GPR176: variants seen among roughly 807,000 people sequenced by gnomAD.
GPR176 encodes the protein G-protein coupled receptor 176.
In GPR176, 26 loss-of-function variants were observed where a neutral mutation model predicts 35.4. The observed-to-expected ratio is 0.74, with a 90% CI of 0.54 to 1.02. The LOEUF (loss-of-function observed/expected upper bound fraction) is 1.02, where lower values mean the gene tolerates loss of function less well. GPR176 is among the 50% of genes least tolerant of loss of function. The pLI is 0.00. For missense variants in GPR176, 597 were observed against 665.3 expected (o/e 0.90, Z 1.13); for synonymous variants, 278 against 271.3 (o/e 1.02, Z -0.24).
In GPR176 at chr15:39,900,904, T is replaced by C. The variant is rs573863924; in HGVS notation, c.172+18951A>G. On this transcript the variant is annotated intron_variant, in intron 1 of 2. Coordinates refer to ENST00000561100, the MANE Select transcript of GPR176 (RefSeq NM_007223.3). ...AGAAAAAAAGAAAGCTTCAGACAAT[T>C]CTATCATGTTTCTGACAGCCAAGTA... 1.6e-4 allele frequency among the ~76,000 whole-genome samples: 25 copies of C among 152,336 alleles called. No homozygotes were observed. The South Asian group carries it at 5.0e-3, about 30-fold the overall frequency.
intron 1 of GPR176, among the ~76,000 whole-genome samples, chr15:39,863,897 T>C (rs982952952): frequency 6.6e-6 from 1 of 152,184 alleles, no homozygotes; most frequent in East Asian, 1.9e-4. Context: ...TATCAAAATG[T>C]ATCCCCATGG....
intron 1 of GPR176, among the ~76,000 whole-genome samples, chr15:39,893,494 T>C (rs2140861469): frequency 6.6e-6 from 1 of 152,292 alleles, no homozygotes; most frequent in African/African-American, 2.4e-5. Context: ...AAGTCTCCCA[T>C]GTCTACTTCT....
chr15:39,872,689 C>G (rs1373527043), intron 1 of GPR176, among the ~76,000 whole-genome samples: 1 of 152,108 alleles, frequency 6.6e-6, no homozygotes, highest in African/African-American at 2.4e-5. Context: ...CAGGCACATT[C>G]ATATGATGAA....
chr15:39,820,337 C>T (rs1900190684), intron 1 of GPR176, among the ~76,000 whole-genome samples: 1 of 152,154 alleles, frequency 6.6e-6, no homozygotes, highest in Non-Finnish European at 1.5e-5. Flanking sequence ...GAATAGAACA[C>T]TTAACCTTGC....
chr15:39,872,122 T>C (rs936200883), intron 1 of GPR176, among the ~76,000 whole-genome samples: 7 of 152,212 alleles, frequency 4.6e-5, no homozygotes, highest in Non-Finnish European at 8.8e-5. Flanking sequence ...TGGAATATGC[T>C]GGTGGCAGCT....
At chr15:39,903,102 T>C (rs1019032519) in intron 1 of GPR176, among the ~76,000 whole-genome samples, 6 of 152,240 alleles carry the variant, frequency 3.9e-5, no homozygotes, top group African/African-American at 1.4e-4. Flanking sequence ...TGTTGGCTAA[T>C]GTAAGTGTTC....
At chr15:39,866,654 A>C (rs1295034497) in intron 1 of GPR176, among the ~76,000 whole-genome samples, 1 of 152,232 alleles carries the variant, frequency 6.6e-6, no homozygotes, top group Non-Finnish European at 1.5e-5. Context: ...TATGTATAAA[A>C]GTACCAACTC....
intron 1 of GPR176, among the ~76,000 whole-genome samples, chr15:39,836,678 C>G (rs1901418575): frequency 6.6e-6 from 1 of 152,050 alleles, no homozygotes; most frequent in Non-Finnish European, 1.5e-5. Context: ...CTGAGAGAGA[C>G]TTCTAGGGGG....
intron 1 of GPR176, among the ~76,000 whole-genome samples, chr15:39,897,926 G>A (rs1400836416): frequency 6.6e-6 from 1 of 152,042 alleles, no homozygotes; most frequent in East Asian, 1.9e-4. Flanking sequence ...AACCCAATTA[G>A]CTTAGTGATG....
chr15:39,832,606 T>C (rs1901160990), intron 1 of GPR176, among the ~76,000 whole-genome samples: 1 of 150,878 alleles, frequency 6.6e-6, no homozygotes, highest in African/African-American at 2.4e-5. Context: ...AAAAATTGTC[T>C]TGGGCCACAC....
At position 39,802,123 on chromosome 15, in the gene GPR176, A is replaced by G. The variant is rs1898920532; in HGVS notation, c.557T>C (p.Ile186Thr). 1.2e-6 allele frequency: 2 copies of G among 1,614,028 alleles called. No homozygotes were observed. The highest frequency in any genetic ancestry group is 1.7e-6 in the Non-Finnish European group (2 of 1,180,030). ...PVFAVTNVAD[I>T]YATSTCTEVW... ...TTCCGTGCAGGTGGACGTGGCATAG[A>G]TGTCAGCCACATTGGTTACTGCAAA... is the stretch of plus-strand genomic sequence containing the variant. The change falls in exon 3 of 3, where the codon ATC becomes ACC. Residue 186 changes from isoleucine to threonine, a missense_variant. Ile to Thr is a moderately conservative substitution (Grantham distance 89). Transcript: ENST00000561100.
At chr15:39,845,899 T>G (rs922636651) in intron 1 of GPR176, among the ~76,000 whole-genome samples, 1 of 152,122 alleles carries the variant, frequency 6.6e-6, no homozygotes, top group Non-Finnish European at 1.5e-5. Flanking sequence ...AATGTTAATT[T>G]TAAAAAGGCC....
chr15:39,914,603 C>G (rs1159699204), intron 1 of GPR176, among the ~76,000 whole-genome samples: 2 of 152,166 alleles, frequency 1.3e-5, no homozygotes, highest in African/African-American at 4.8e-5. Context: ...AGCCACCACA[C>G]CTGGCCCAGG....
At chr15:39,888,446 T>G (rs939556563) in intron 1 of GPR176, among the ~76,000 whole-genome samples, 7 of 152,116 alleles carry the variant, frequency 4.6e-5, no homozygotes, top group African/African-American at 1.7e-4. Context: ...CCATCACACT[T>G]GGCTAAGACT....
At chr15:39,878,549 T>C (rs1402779942) in intron 1 of GPR176, among the ~76,000 whole-genome samples, 5 of 152,172 alleles carry the variant, frequency 3.3e-5, no homozygotes, top group Non-Finnish European at 5.9e-5. Flanking sequence ...GTTGACTCTA[T>C]ATCTTGACTA....
intron 1 of GPR176, among the ~76,000 whole-genome samples, chr15:39,861,593 T>C (rs2031592350): frequency 6.6e-6 from 1 of 152,010 alleles, no homozygotes; most frequent in African/African-American, 2.4e-5. Flanking sequence ...GTCTAAGAAA[T>C]TGTATCTTTA....
At chr15:39,882,190 A>T (rs139294386) in intron 1 of GPR176, among the ~76,000 whole-genome samples, 74 of 152,376 alleles carry the variant, frequency 4.9e-4, no homozygotes, top group African/African-American at 1.6e-3. Context: ...TTCTATTTCT[A>T]AGAAACTGAT....
intron 1 of GPR176, among the ~76,000 whole-genome samples, chr15:39,857,162 G>A (rs192583870): frequency 1.3e-5 from 2 of 152,316 alleles, no homozygotes; most frequent in Non-Finnish European, 2.9e-5. Flanking sequence ...CCAGAAAAAG[G>A]TAGGATAAAA....
chr15:39,889,893 C>T (rs965632301), intron 1 of GPR176, among the ~76,000 whole-genome samples: 3 of 152,132 alleles, frequency 2.0e-5, no homozygotes, highest in Non-Finnish European at 4.4e-5. Context: ...CCTCTCTAAG[C>T]GCCAGATCTA....
Sources: allele counts gnomAD v4.1 joint callset (sites outside exome capture counted in the v4.1 genomes callset), GRCh38; gene constraint gnomAD v4.1.1; transcripts MANE v1.5; gene names NCBI Gene and HGNC (gene_info 2026-07-23, HGNC 2026-07-21).